The following MARK1 variants were observed in gnomAD, a reference collection of about 807,000 sequenced individuals.
MARK1 encodes the protein serine/threonine-protein kinase MARK1.
Under a neutral mutation model 96.3 loss-of-function variants are expected in MARK1, and 40 were observed. That is an observed-to-expected ratio of 0.42 (90% CI 0.32 to 0.54). The LOEUF is 0.54. MARK1 is among the 20% of genes least tolerant of loss of function. The pLI is 0.16. For missense variants in MARK1, 719 were observed against 984.6 expected, an observed-to-expected ratio of 0.73 and a Z score of 3.61; for synonymous variants, 317 against 341.2, an observed-to-expected ratio of 0.93 and a Z score of 0.78.
At chr1:220,644,795 A>G (rs1459727186) in intron 13 of MARK1, among the ~76,000 whole-genome samples, 1 of 152,180 alleles carries the variant, frequency 6.6e-6, no homozygotes, top group Non-Finnish European at 1.5e-5. Flanking sequence ...ACATAATTAC[A>G]TGGAAATTGA....
intron 13 of MARK1, among the ~76,000 whole-genome samples, chr1:220,640,342 TTATAAG>T (rs1273327347): frequency 1.3e-5 from 2 of 152,226 alleles, no homozygotes; most frequent in African/African-American, 4.8e-5. Flanking sequence ...AAGCTCTTGC[TTATAAG>T]TATGATTCTA....
chr1:220,578,798 A>T (rs570011907), intron 1 of MARK1, among the ~76,000 whole-genome samples: 24 of 152,286 alleles, frequency 1.6e-4, no homozygotes, highest in Non-Finnish European at 3.2e-4. Flanking sequence ...GTATATTTAC[A>T]ATTTTAAATT....
At chr1:220,611,071 T>C (rs1666412266) in intron 6 of MARK1, among the ~76,000 whole-genome samples, 1 of 152,108 alleles carries the variant, frequency 6.6e-6, no homozygotes, top group South Asian at 2.1e-4. Context: ...TTTTCAGAGC[T>C]CAAACACCAT....
chr1:220,642,951 G>A (rs1028144362), intron 13 of MARK1, among the ~76,000 whole-genome samples: 13 of 152,060 alleles, frequency 8.5e-5, no homozygotes, highest in Admixed American at 5.9e-4. Flanking sequence ...CCATCCAAAG[G>A]TCAACAGCCT....
Position 220,643,759 on chromosome 1 carries a change from G to A in MARK1, c.1471-6861G>A, listed in dbSNP as rs968291316. Among the ~76,000 whole-genome samples the A allele has an allele frequency of 8.5e-5, 13 of 152,226 alleles. No homozygotes were observed. In the East Asian group the frequency reaches 1.7e-3, roughly 20 times the overall value. The stretch of plus-strand genomic sequence containing the variant: ...AACCCTGCAAGCCAAAAGAGATTGG[G>A]GGCCAATATTCTACATTCTTAAAGA... On this transcript the variant is annotated intron_variant, in intron 13 of 17. Coordinates refer to ENST00000366917, the MANE Select transcript of MARK1 (RefSeq NM_018650.5).
intron 7 of MARK1, among the ~76,000 whole-genome samples, chr1:220,616,598 T>C (rs944971403): frequency 1.3e-5 from 2 of 152,206 alleles, no homozygotes; most frequent in Non-Finnish European, 2.9e-5. Context: ...AGGACTCTTA[T>C]TTTTCTGTTT....
chr1:220,653,239 T>A lies in MARK1; in HGVS notation c.1875T>A (p.Val625=). The change falls in exon 16 of 18, where the codon GTT becomes GTA. Residue 625 remains valine (V), a synonymous_variant. Coordinates refer to ENST00000366917, the MANE Select transcript of MARK1 (RefSeq NM_018650.5). ...AACAGCTCCGGGAGCGACGCAGCGT[T>A]GCTTATAATGGGCCACCTGCTTCAC... ...HGEQLRERRS[V]AYNGPPASPS... 3 of 1,614,208 alleles carry A rather than the reference T, an allele frequency of 1.9e-6. No individual in the cohort carries two copies. The highest frequency in any genetic ancestry group is 2.5e-6 in the Non-Finnish European group (3 of 1,180,038).
Position 220,662,079 on chromosome 1 carries a change from T to G in MARK1, c.2301T>G (p.Leu767=). The change falls in exon 18 of 18, where the codon CTT becomes CTG. Residue 767 remains leucine (L), a synonymous_variant. Transcript: ENST00000366917. The part of the protein sequence containing the change: ...MEVCKLPRLS[L]NGVRFKRISG... The stretch of plus-strand genomic sequence containing the variant: ...TCTGCAAGTTGCCACGACTGTCACT[T>G]AATGGGGTTCGCTTCAAGCGAATAT... 1.9e-6 allele frequency: 3 copies of G among 1,614,214 alleles called. No individual in the cohort carries two copies. In the South Asian group the frequency reaches 3.3e-5, roughly 18 times the overall value.
chr1:220,639,007 GC>G (rs1668124352), intron 13 of MARK1, among the ~76,000 whole-genome samples: 1 of 152,128 alleles, frequency 6.6e-6, no homozygotes, highest in Non-Finnish European at 1.5e-5. Flanking sequence ...ACTTTTGCAG[GC>G]CATGGAGGAA....
chr1:220,546,918 G>A (rs1661531501), intron 1 of MARK1, among the ~76,000 whole-genome samples: 1 of 151,088 alleles, frequency 6.6e-6, no homozygotes, highest in African/African-American at 2.4e-5. Flanking sequence ...GCTGCAGTGA[G>A]CCAAGATCGC....
At chr1:220,612,548 A>G (rs1445656153) in intron 6 of MARK1, among the ~76,000 whole-genome samples, 4 of 152,156 alleles carry the variant, frequency 2.6e-5, no homozygotes, top group African/African-American at 7.2e-5. Context: ...TCCCAAAACT[A>G]AAAAAGTTAC....
chr1:220,562,123 T>C (rs776990711), intron 1 of MARK1, among the ~76,000 whole-genome samples: 4 of 152,176 alleles, frequency 2.6e-5, no homozygotes, highest in Admixed American at 6.5e-5. Context: ...ACTTGCTTAT[T>C]TGAGAATCTT....
chr1:220,596,134 T>C (rs755560899), intron 3 of MARK1, among the ~76,000 whole-genome samples: 61 of 152,174 alleles, frequency 4.0e-4, no homozygotes, highest in Non-Finnish European at 8.4e-4. Context: ...ATCGATGATA[T>C]TTGAAGCCAT....
intron 1 of MARK1, among the ~76,000 whole-genome samples, chr1:220,541,586 T>C (rs1661150773): frequency 6.6e-6 from 1 of 152,240 alleles, no homozygotes; most frequent in African/African-American, 2.4e-5. Flanking sequence ...TCTGTTCTGA[T>C]GTTGGGTACA....
intron 1 of MARK1, among the ~76,000 whole-genome samples, chr1:220,578,179 A>G (rs1663999712): frequency 6.6e-6 from 1 of 152,204 alleles, no homozygotes; most frequent in Admixed American, 6.5e-5. Context: ...ACTCTTCTTC[A>G]GCAATTTTTT....
intron 1 of MARK1, among the ~76,000 whole-genome samples, chr1:220,552,842 C>T (rs1572066804): frequency 6.6e-6 from 1 of 152,136 alleles, no homozygotes; most frequent in Non-Finnish European, 1.5e-5. Context: ...CTCTTACCCA[C>T]CTGCCCACTC....
At chr1:220,565,294 T>A (rs74139768) in intron 1 of MARK1, among the ~76,000 whole-genome samples, 1,707 of 152,302 alleles carry the variant, frequency 0.011, 26 homozygotes, top group African/African-American at 0.039. Flanking sequence ...CCTGTGGGTG[T>A]CTTTCATCAG....
chr1:220,565,572 G>C (rs1030177987), intron 1 of MARK1, among the ~76,000 whole-genome samples: 1 of 152,078 alleles, frequency 6.6e-6, no homozygotes, highest in African/African-American at 2.4e-5. Flanking sequence ...GCGGGGGTCG[G>C]GGGGAGGGAG....
chr1:220,634,749 A>G (rs1459746545), intron 11 of MARK1, among the ~76,000 whole-genome samples: 1 of 152,172 alleles, frequency 6.6e-6, no homozygotes, highest in African/African-American at 2.4e-5. Context: ...TGTATGTTAC[A>G]GAGAGAGGGA....
Sources: allele counts gnomAD v4.1 joint callset (sites outside exome capture counted in the v4.1 genomes callset), GRCh38; gene constraint gnomAD v4.1.1; transcripts MANE v1.5; gene names NCBI Gene and HGNC (gene_info 2026-07-23, HGNC 2026-07-21).